The following HDHD5 variants were observed in gnomAD, a reference collection of about 807,000 sequenced individuals.
HDHD5 encodes the protein haloacid dehalogenase-like hydrolase domain-containing 5.
A neutral mutation model predicts 35.5 loss-of-function variants in HDHD5; 34 were observed. The ratio of observed to expected loss-of-function variants is 0.96; its 90% CI spans 0.73 to 1.28. The LOEUF is 1.28. HDHD5 is among the 50% of genes most tolerant of loss of function. HDHD5 has a pLI of 0.00. For synonymous variants in HDHD5, 248 were observed against 240.6 expected, an observed-to-expected ratio of 1.03 and a Z score of -0.29; for missense variants, 589 against 560.2, an observed-to-expected ratio of 1.05 and a Z score of -0.52.
intron 1 of HDHD5, chr22:17,165,073 G>T: frequency 1.5e-6 from 1 of 679,586 alleles, no homozygotes; most frequent in South Asian, 1.6e-5. Context: ...CTTGCTGAGG[G>T]AGAATTCTGA....
At chr22:17,143,002 T>C (rs1208598628) in intron 5 of HDHD5, 96 bp downstream of exon 5, 23 of 1,399,848 alleles carry the variant, frequency 1.6e-5, no homozygotes, top group Non-Finnish European at 2.3e-5. Context: ...CCCTTGCTGC[T>C]GAACCAGGCT....
intron 1 of HDHD5, among the ~76,000 whole-genome samples, chr22:17,158,096 G>A (rs2061820041): frequency 6.6e-6 from 1 of 152,168 alleles, no homozygotes; most frequent in African/African-American, 2.4e-5. Context: ...CAAGATGTGA[G>A]GATCATCTGA....
chr22:17,141,392 C>G (rs2061600162), intron 5 of HDHD5, 159 bp from the exon 6 acceptor site: 1 of 1,383,310 alleles, frequency 7.2e-7, no homozygotes, highest in Non-Finnish European at 9.3e-7. Flanking sequence ...GAGCCCCTTA[C>G]CCATCCACCC....
At position 17,149,524 on chromosome 22, in the gene HDHD5, C is replaced by G; in HGVS notation, c.330+18G>C. ...GAACCAGGTCCTTGGGCTTCCATGC[C>G]TCTGGCTGCCTTCTCACCTCGCACC... On this transcript the variant is annotated intron_variant, in intron 2 of 7. Transcript: ENST00000336737. 1.9e-6 allele frequency: 3 copies of G among 1,609,196 alleles called. No homozygotes were observed. The highest frequency in any genetic ancestry group is 2.5e-6 in the Non-Finnish European group (3 of 1,177,902).
chr22:17,141,371 C>A, intron 5 of HDHD5, 138 bp from the exon 6 acceptor site: 2 of 1,416,520 alleles, frequency 1.4e-6, no homozygotes, highest in South Asian at 1.6e-5. Context: ...AGCTCCCCAA[C>A]AAGCCCAGTA....
chr22:17,149,401 G>A, intron 2 of HDHD5, 141 bp downstream of exon 2: 1 of 744,364 alleles, frequency 1.3e-6, no homozygotes, highest in African/African-American at 1.7e-5. Flanking sequence ...ACACAGGCAG[G>A]ATTTCTGTGT....
chr22:17,150,475 T>C (rs1205577439), intron 1 of HDHD5, among the ~76,000 whole-genome samples: 1 of 152,114 alleles, frequency 6.6e-6, no homozygotes, highest in African/African-American at 2.4e-5. Context: ...AGAATCATGT[T>C]GACTTTGTTT....
At chr22:17,154,992 G>A (rs985184644) in intron 1 of HDHD5, among the ~76,000 whole-genome samples, 3 of 151,952 alleles carry the variant, frequency 2.0e-5, no homozygotes, top group Non-Finnish European at 4.4e-5. Context: ...AGAAATCAGA[G>A]ATTTACTTTA....
At chr22:17,143,071 C>A in intron 5 of HDHD5, 27 bp downstream of exon 5, 2 of 1,608,228 alleles carry the variant, frequency 1.2e-6, no homozygotes, top group Non-Finnish European at 1.7e-6. Flanking sequence ...AAAGACCTCA[C>A]AACTCATCAA....
chr22:17,149,476 A>T (rs1027494137), intron 2 of HDHD5, 66 bp downstream of exon 2: 3 of 1,492,246 alleles, frequency 2.0e-6, no homozygotes, highest in Non-Finnish European at 2.8e-6. Flanking sequence ...AGGGACTTGG[A>T]GCTGGGGCAG....
chr22:17,159,144 A>G lies in HDHD5; in HGVS notation c.108T>C (p.Tyr36=). ...GLQGRPARRC[Y]AVGPAQSPPT... Reference sequence around the variant, plus strand: ...TCCTCACCTGAGCGGGGCCCACAGCATAGCACCTGCGGGCGGGGCGGCCCT... The same window carrying G: ...TCCTCACCTGAGCGGGGCCCACAGCGTAGCACCTGCGGGCGGGGCGGCCCT... The change falls in exon 1 of 8, where the codon TAT becomes TAC. Residue 36 remains tyrosine, a synonymous_variant. Transcript: ENST00000336737. The G allele has an allele frequency of 8.1e-7, 1 of 1,233,200 alleles. No homozygotes were observed. Among genetic ancestry groups the G allele is most frequent in the South Asian group, 3.9e-5 (1 of 25,450 alleles). The allele number at this position is 1,233,200 out of a possible 1,614,324, so 76.4% of individuals were successfully genotyped here. A position where few individuals can be genotyped will look rare whatever the true frequency, so the allele number is the denominator to read the frequency against.
intron 1 of HDHD5, among the ~76,000 whole-genome samples, chr22:17,164,615 G>T (rs1349179323): frequency 6.6e-6 from 1 of 151,940 alleles, no homozygotes; most frequent in Non-Finnish European, 1.5e-5. Context: ...CCAGGAAAGA[G>T]ACAAAAAGGG....
chr22:17,144,420 T>G (rs1302818156), intron 4 of HDHD5, among the ~76,000 whole-genome samples: 3 of 150,986 alleles, frequency 2.0e-5, no homozygotes, highest in Non-Finnish European at 4.4e-5. Flanking sequence ...TGGCTTTTTT[T>G]TTTTTTTTTT....
chr22:17,144,413 CTTTTTT>C (rs71315359), intron 4 of HDHD5, among the ~76,000 whole-genome samples: 3 of 132,782 alleles, frequency 2.3e-5, no homozygotes, highest in Admixed American at 7.6e-5. Flanking sequence ...CCATATGTGG[CTTTTTT>C]TTTTTTTTTT....
intron 1 of HDHD5, among the ~76,000 whole-genome samples, chr22:17,158,285 C>T (rs879705434): frequency 2.0e-5 from 3 of 151,924 alleles, no homozygotes; most frequent in Admixed American, 6.6e-5. Context: ...TGCGCCACTG[C>T]ACTCCAACCT....
At chr22:17,154,648 G>C (rs1049512422) in intron 1 of HDHD5, among the ~76,000 whole-genome samples, 1 of 150,166 alleles carries the variant, frequency 6.7e-6, no homozygotes, top group African/African-American at 2.4e-5. Context: ...AGACAAGACA[G>C]GGTCGCACTC....
chr22:17,137,968 A>C lies in HDHD5; in HGVS notation c.*53T>G. ...CAGTGATCAGGCCAGAGCCCAGCCA[A>C]TGGGACTCGCCCACAGGTCCAGGCT... On this transcript the variant is annotated 3_prime_UTR_variant, in exon 8 of 8. Transcript: ENST00000336737. 1 of 1,484,378 alleles carries C rather than the reference A, an allele frequency of 6.7e-7. No individual in the cohort carries two copies. Among genetic ancestry groups the C allele is most frequent in the Non-Finnish European group, 9.2e-7 (1 of 1,085,676 alleles). The allele number at this position is 1,484,378 out of a possible 1,614,324, so 92.0% of individuals were successfully genotyped here.
chr22:17,160,456 T>G (rs2123884592), upstream of HDHD5, among the ~76,000 whole-genome samples: 1 of 151,980 alleles, frequency 6.6e-6, no homozygotes, highest in South Asian at 2.1e-4. Context: ...CAAGACCACC[T>G]AGCCAAGATG....
intron 4 of HDHD5, chr22:17,143,367 C>G (rs2061621136): frequency 4.4e-6 from 2 of 456,290 alleles, no homozygotes; most frequent in Non-Finnish European, 7.7e-6. Context: ...GTGAAGTCAC[C>G]AGGAGGAAGG....
Sources: allele counts gnomAD v4.1 joint callset (sites outside exome capture counted in the v4.1 genomes callset), GRCh38; gene constraint gnomAD v4.1.1; transcripts MANE v1.5; gene names NCBI Gene and HGNC (gene_info 2026-07-23, HGNC 2026-07-21).